The following ATP13A5 variants were observed in gnomAD, a reference collection of about 807,000 sequenced individuals.
The protein encoded by ATP13A5 is ATPase 13A5.
In ATP13A5, 149 loss-of-function variants were observed where a neutral mutation model predicts 150.2. The ratio of observed to expected loss-of-function variants is 0.99; its 90% CI spans 0.87 to 1.14. The LOEUF (loss-of-function observed/expected upper bound fraction) is 1.14. Ranked by LOEUF, ATP13A5 falls within the 50% of genes most tolerant of loss-of-function variation. The probability of loss-of-function intolerance (pLI) is 0.00; values close to 1 mark genes in which losing one functional copy is unlikely to be tolerated. For synonymous variants in ATP13A5, 497 were observed against 522.2 expected, an observed-to-expected ratio of 0.95 and a Z score of 0.66; for missense variants, 1,383 against 1,449.3, an observed-to-expected ratio of 0.95 and a Z score of 0.74.
chr3:193,371,781 A>T (rs1188493053), intron 1 of ATP13A5, among the ~76,000 whole-genome samples: 1 of 152,184 alleles, frequency 6.6e-6, no homozygotes, highest in Non-Finnish European at 1.5e-5. Flanking sequence ...GTCTCTTTTA[A>T]TGAGTCACCT....
chr3:193,344,740 G>A (rs559842578), intron 8 of ATP13A5, among the ~76,000 whole-genome samples: 9 of 152,168 alleles, frequency 5.9e-5, no homozygotes, highest in Non-Finnish European at 1.3e-4. Flanking sequence ...GAGGGCTTGG[G>A]TGAGGGTAAG....
chr3:193,325,233 A>G (rs1349075002), intron 13 of ATP13A5, among the ~76,000 whole-genome samples: 2 of 152,022 alleles, frequency 1.3e-5, no homozygotes, highest in African/African-American at 4.8e-5. Context: ...ACTCCTACTA[A>G]TGTCCTCTAT....
intron 9 of ATP13A5, among the ~76,000 whole-genome samples, chr3:193,342,007 T>A (rs926751104): frequency 6.6e-6 from 1 of 152,214 alleles, no homozygotes; most frequent in Non-Finnish European, 1.5e-5. Flanking sequence ...TGGGAGCGAA[T>A]GCCACCTCCA....
intron 5 of ATP13A5, 43 bp downstream of exon 5, chr3:193,362,338 T>C: frequency 6.5e-7 from 1 of 1,534,548 alleles, no homozygotes; most frequent in Non-Finnish European, 9.0e-7. Context: ...TACTTCATTT[T>C]CTGCTGGCAG....
Position 193,331,344 on chromosome 3 carries a change from G to T in ATP13A5, c.1273-33C>A, listed in dbSNP as rs753054457. On this transcript the variant is annotated intron_variant, in intron 11 of 29. Coordinates refer to ENST00000342358, the MANE Select transcript of ATP13A5 (RefSeq NM_198505.4). Reference sequence around the variant, plus strand: ...AGGACAGACATTTTCATACAGGATAGCCCAGCACAGCAGACTGCCACCCTT... The same window carrying T: ...AGGACAGACATTTTCATACAGGATATCCCAGCACAGCAGACTGCCACCCTT... 7 of 1,581,630 alleles carry T rather than the reference G, an allele frequency of 4.4e-6. No homozygotes were observed. The East Asian group carries it at 1.4e-4, about 31-fold the overall frequency.
intron 28 of ATP13A5, among the ~76,000 whole-genome samples, chr3:193,277,908 A>T (rs1472643583): frequency 6.6e-6 from 1 of 152,140 alleles, no homozygotes; most frequent in Non-Finnish European, 1.5e-5. Flanking sequence ...TCACTGCAAC[A>T]TTCTCCTGCC....
intron 22 of ATP13A5, among the ~76,000 whole-genome samples, chr3:193,305,889 A>G (rs572971531): frequency 1.8e-4 from 28 of 152,134 alleles, no homozygotes; most frequent in Admixed American, 1.0e-3. Flanking sequence ...TGGTGTGTGT[A>G]CATGCATGCG....
chr3:193,338,872 T>G (rs940544617), intron 9 of ATP13A5, among the ~76,000 whole-genome samples: 1 of 152,178 alleles, frequency 6.6e-6, no homozygotes, highest in Non-Finnish European at 1.5e-5. Flanking sequence ...CCTGGACTTT[T>G]TTTGGTTGGT....
At chr3:193,327,519 A>C (rs1283968677) in intron 12 of ATP13A5, among the ~76,000 whole-genome samples, 1 of 152,156 alleles carries the variant, frequency 6.6e-6, no homozygotes, top group Non-Finnish European at 1.5e-5. Flanking sequence ...TGGGTGACAC[A>C]GTGACTGTCC....
intron 13 of ATP13A5, among the ~76,000 whole-genome samples, chr3:193,326,754 A>G (rs539452917): frequency 5.3e-4 from 80 of 152,314 alleles, no homozygotes; most frequent in African/African-American, 1.9e-3. Context: ...TTATTCATTT[A>G]GTTCCTTAAT....
intron 1 of ATP13A5, among the ~76,000 whole-genome samples, chr3:193,367,982 GAAGGA>G (rs1156526244): frequency 1.5e-5 from 2 of 135,748 alleles, no homozygotes; most frequent in African/African-American, 2.7e-5. Flanking sequence ...AGAGGGAAGG[GAAGGA>G]AAGGGAAGGG....
At chr3:193,296,172 G>GTA (rs1282676893) in intron 25 of ATP13A5, among the ~76,000 whole-genome samples, 1 of 152,050 alleles carries the variant, frequency 6.6e-6, no homozygotes, top group Non-Finnish European at 1.5e-5. Context: ...TTCATGGTAT[G>GTA]TACCACTAGG....
intron 1 of ATP13A5, among the ~76,000 whole-genome samples, chr3:193,378,226 TA>T (rs1389845883): frequency 6.6e-6 from 1 of 152,172 alleles, no homozygotes; most frequent in Admixed American, 6.5e-5. Flanking sequence ...TCTGCGCTTA[TA>T]AAAAGCATGA....
chr3:193,290,078 T>G lies in ATP13A5; in HGVS notation c.2849-19A>C. The G allele has an allele frequency of 6.3e-7, 1 of 1,582,578 alleles. No homozygotes were observed. Among genetic ancestry groups the G allele is most frequent in the South Asian group, 1.2e-5 (1 of 84,876 alleles). On this transcript the variant is annotated intron_variant, in intron 25 of 29. Transcript: ENST00000342358. ...GAACTCACTGAAAGACAAATACATTTTTTTCCTATTACAATCTTATCATTG... is the reference window on the plus strand; with the variant it reads ...GAACTCACTGAAAGACAAATACATTGTTTTCCTATTACAATCTTATCATTG...
chr3:193,296,677 T>G (rs565147476), intron 25 of ATP13A5, among the ~76,000 whole-genome samples: 1 of 152,264 alleles, frequency 6.6e-6, no homozygotes, highest in East Asian at 1.9e-4. Flanking sequence ...TGCTCTTTTT[T>G]TTTGTTTCAT....
chr3:193,302,332 C>G (rs1023091677), intron 23 of ATP13A5, among the ~76,000 whole-genome samples: 1 of 152,096 alleles, frequency 6.6e-6, no homozygotes, highest in Non-Finnish European at 1.5e-5. Context: ...GAGGTGCTGT[C>G]GTTTGTTTTC....
intron 5 of ATP13A5, among the ~76,000 whole-genome samples, 167 bp downstream of exon 5, chr3:193,362,212 TAA>T (rs1304221356): frequency 1.3e-5 from 2 of 152,278 alleles, no homozygotes; most frequent in East Asian, 3.9e-4. Context: ...TTTGTAAAAA[TAA>T]GTTTGCCTAA....
intron 6 of ATP13A5, 133 bp from the exon 7 acceptor site, chr3:193,351,334 T>G: frequency 9.0e-7 from 1 of 1,113,996 alleles, no homozygotes; most frequent in South Asian, 1.6e-5. Flanking sequence ...AGAATTCACT[T>G]AGATCTCTAT....
intron 14 of ATP13A5, among the ~76,000 whole-genome samples, chr3:193,324,193 G>T (rs913047167): frequency 2.6e-5 from 4 of 152,082 alleles, no homozygotes; most frequent in African/African-American, 9.7e-5. Context: ...CCTTCAGGGT[G>T]GGTTTATACC....
Sources: gnomAD v4.1 joint callset for allele counts (sites outside exome capture counted in the v4.1 genomes callset) on GRCh38, gnomAD v4.1.1 for gene constraint, MANE v1.5 for transcripts, NCBI Gene and HGNC (gene_info 2026-07-23, HGNC 2026-07-21) for gene names.